The following EHMT1 variants were observed in gnomAD, a reference collection of about 807,000 sequenced individuals.
EHMT1 encodes euchromatic histone lysine methyltransferase 1.
In EHMT1, 15 loss-of-function variants were observed where a neutral mutation model predicts 147.2. That is an observed-to-expected ratio of 0.10 (90% CI 0.07 to 0.16). The LOEUF (loss-of-function observed/expected upper bound fraction) is 0.16, where lower values mean the gene tolerates loss of function less well. Ranked by LOEUF, EHMT1 falls within the 10% of genes least tolerant of loss-of-function variation. EHMT1 has a pLI of 1.00. For missense variants in EHMT1, 1,587 were observed against 1,772.4 expected (o/e 0.90, Z 1.88); for synonymous variants, 795 against 709.6 (o/e 1.12, Z -1.91).
chr9:137,663,185 T>C (rs955959992), intron 1 of EHMT1, among the ~76,000 whole-genome samples: 1 of 152,244 alleles, frequency 6.6e-6, no homozygotes, highest in Admixed American at 6.5e-5. Context: ...TATTTTGTTA[T>C]TCATTTGTAC....
intron 1 of EHMT1, among the ~76,000 whole-genome samples, chr9:137,620,996 C>T (rs983048371): frequency 1.3e-5 from 2 of 152,080 alleles, no homozygotes; most frequent in Non-Finnish European, 2.9e-5. Flanking sequence ...GTTACCTCCC[C>T]GTTTATAAAT....
At chr9:137,817,847 G>A (rs1016730343) in intron 24 of EHMT1, 50 of 632,196 alleles carry the variant, frequency 7.9e-5, no homozygotes, top group South Asian at 2.1e-4. Flanking sequence ...GTACCAGACC[G>A]CAGACGCAGA....
At chr9:137,753,567 G>A (rs542672126) in intron 7 of EHMT1, among the ~76,000 whole-genome samples, 2 of 152,328 alleles carry the variant, frequency 1.3e-5, no homozygotes, top group East Asian at 3.9e-4. Context: ...ACGTGCTGCT[G>A]CTGTGCCTAC....
At chr9:137,643,902 A>G (rs1217027572) in intron 1 of EHMT1, among the ~76,000 whole-genome samples, 1 of 151,966 alleles carries the variant, frequency 6.6e-6, no homozygotes, top group African/African-American at 2.4e-5. Flanking sequence ...GGGATTTGGG[A>G]ACTTTGTGAT....
At chr9:137,717,817 C>T (rs968883437) in intron 3 of EHMT1, among the ~76,000 whole-genome samples, 2 of 152,202 alleles carry the variant, frequency 1.3e-5, no homozygotes, top group Non-Finnish European at 2.9e-5. Context: ...AGGGAAGACT[C>T]AGCCCTGACC....
chr9:137,768,746 T>C (rs1406597287), intron 10 of EHMT1, among the ~76,000 whole-genome samples: 1 of 151,392 alleles, frequency 6.6e-6, no homozygotes. Flanking sequence ...AGACGGGGTT[T>C]CACCGTTTTT....
chr9:137,787,631 A>T lies in EHMT1; in HGVS notation c.2383-3217A>T. On this transcript the variant is annotated intron_variant, in intron 15 of 26. Coordinates refer to ENST00000460843, the MANE Select transcript of EHMT1 (RefSeq NM_024757.5). The surrounding 1 kb of genome is among the most constrained non-coding windows in gnomAD (Gnocchi z 4.2). ...CTCCCTGGCAACAAGCTGGGGGTGG[A>T]AGCGGGAGGGAGGAGGGGCCTGTCT... The T allele has an allele frequency of 1.9e-6, 1 of 530,748 alleles. No individual in the cohort carries two copies. Among genetic ancestry groups the T allele is most frequent in the Non-Finnish European group, 3.4e-6 (1 of 294,568 alleles). 32.9% of individuals were successfully genotyped at this position (530,748 alleles called of 1,614,324 possible).
intron 1 of EHMT1, among the ~76,000 whole-genome samples, chr9:137,661,547 G>T (rs977579243): frequency 1.3e-5 from 2 of 149,410 alleles, no homozygotes; most frequent in Non-Finnish European, 3.0e-5. Flanking sequence ...GTGCAGTGGC[G>T]CAATCTCGGC....
chr9:137,797,944 G>A (rs1393517810), intron 16 of EHMT1, among the ~76,000 whole-genome samples: 8 of 152,208 alleles, frequency 5.3e-5, no homozygotes, highest in East Asian at 1.9e-4. Context: ...CGGTGTGGGC[G>A]GCACCGGCTC....
intron 1 of EHMT1, among the ~76,000 whole-genome samples, chr9:137,683,590 T>C (rs1010642850): frequency 5.9e-5 from 9 of 152,226 alleles, no homozygotes; most frequent in Non-Finnish European, 1.5e-5. Flanking sequence ...CTGGCTATGA[T>C]GTAGATTTTT....
intron 1 of EHMT1, among the ~76,000 whole-genome samples, 157 bp downstream of exon 1, chr9:137,619,206 G>C (rs1842792589): frequency 7.1e-6 from 1 of 140,650 alleles, no homozygotes; most frequent in South Asian, 2.3e-4. Flanking sequence ...CGCCGCCTCA[G>C]GCCGAGGCCG....
chr9:137,668,727 T>G (rs1029230473), intron 1 of EHMT1, among the ~76,000 whole-genome samples: 4 of 119,638 alleles, frequency 3.3e-5, no homozygotes, highest in Non-Finnish European at 4.9e-5. Flanking sequence ...CTTAACTTAG[T>G]GTTTTCTTTT....
chr9:137,818,246 A>T, intron 25 of EHMT1, 108 bp downstream of exon 25: 2 of 1,271,064 alleles, frequency 1.6e-6, no homozygotes, highest in Middle Eastern at 3.9e-4. Context: ...TACTGTTGAC[A>T]AGAGTGGGCT....
intron 3 of EHMT1, among the ~76,000 whole-genome samples, chr9:137,727,603 C>T (rs1015316756): frequency 9.9e-5 from 15 of 152,204 alleles, no homozygotes; most frequent in South Asian, 2.1e-4. Context: ...CTGTGTATTG[C>T]ACCCACTATG....
rs537357113 is a variant in EHMT1 at position 137,748,174 on chromosome 9, A to G, written c.1170+4084A>G. On this transcript the variant is annotated intron_variant, in intron 6 of 26. Transcript: ENST00000460843. ...TCAGATGTTGGGTGCCTTTTTCACT[A>G]TCATTCATGGAATTACATGTGATGG... Among the ~76,000 whole-genome samples the G allele has an allele frequency of 7.2e-5, 11 of 152,308 alleles. No individual in the cohort carries two copies. The South Asian group carries it at 8.3e-4, about 11-fold the overall frequency.
At chr9:137,622,071 C>T (rs1008943057) in intron 1 of EHMT1, among the ~76,000 whole-genome samples, 4 of 150,368 alleles carry the variant, frequency 2.7e-5, no homozygotes, top group Non-Finnish European at 5.9e-5. Context: ...CCCATTAACT[C>T]GTCATTTAGC....
At chr9:137,655,879 C>T (rs983046765) in intron 1 of EHMT1, among the ~76,000 whole-genome samples, 2 of 152,078 alleles carry the variant, frequency 1.3e-5, no homozygotes, top group African/African-American at 4.8e-5. Context: ...GAAATGAGTC[C>T]CTGGTGCCAA....
chr9:137,667,703 T>TG (rs1939828811), intron 1 of EHMT1, among the ~76,000 whole-genome samples: 1 of 152,182 alleles, frequency 6.6e-6, no homozygotes, highest in Non-Finnish European at 1.5e-5. Context: ...GAAAAGTTCA[T>TG]GTAAAGTAGA....
intron 1 of EHMT1, among the ~76,000 whole-genome samples, chr9:137,691,846 G>A (rs1380941035): frequency 6.6e-6 from 1 of 152,090 alleles, no homozygotes; most frequent in East Asian, 1.9e-4. Flanking sequence ...CTGGCTCTTG[G>A]CTCCCGCCCA....
Sources: allele counts gnomAD v4.1 joint callset (sites outside exome capture counted in the v4.1 genomes callset), GRCh38; gene constraint gnomAD v4.1.1; non-coding constraint Gnocchi (gnomAD v3.1); transcripts MANE v1.5; gene names NCBI Gene and HGNC (gene_info 2026-07-23, HGNC 2026-07-21).